The following ANGPTL1 variants were observed in gnomAD, a reference collection of about 807,000 sequenced individuals.
ANGPTL1 encodes angiopoietin like 1.
Under a neutral mutation model 46.7 loss-of-function variants are expected in ANGPTL1, and 36 were observed. That is an observed-to-expected ratio of 0.77 (90% CI 0.59 to 1.02). The LOEUF is 1.02. ANGPTL1 is among the 50% of genes least tolerant of loss of function. ANGPTL1 has a pLI of 0.00. For synonymous variants in ANGPTL1, 221 were observed against 204.3 expected (o/e 1.08, Z -0.69); for missense variants, 571 against 594.7 (o/e 0.96, Z 0.41).
chr1:178,856,370 GGCAAGT>G (rs1037506140), intron 3 of ANGPTL1, among the ~76,000 whole-genome samples: 3 of 137,902 alleles, frequency 2.2e-5, no homozygotes, highest in Non-Finnish European at 4.6e-5. Context: ...TAGGACTACA[GGCAAGT>G]GCCACCCTGC....
In ANGPTL1 at chr1:178,850,452, A is replaced by G. The variant is rs899582022; in HGVS notation, c.*677T>C. 1.3e-5 allele frequency: 2 copies of G among 152,210 alleles called. No homozygotes were observed. Among genetic ancestry groups the G allele is most frequent in the Admixed American group, 6.5e-5 (1 of 15,282 alleles). The allele number at this position is 152,210 out of a possible 1,614,324, so 9.4% of individuals were successfully genotyped here. ...GAAGATAACACTGAAAAATTCATTC[A>G]TAGATTTGTCTTTATAAATTGACCA... On this transcript the variant is annotated 3_prime_UTR_variant, in exon 6 of 6. Coordinates refer to ENST00000234816, the MANE Select transcript of ANGPTL1 (RefSeq NM_004673.4).
rs1211150811 is a variant in ANGPTL1 at position 178,850,540 on chromosome 1, T to C, written c.*589A>G. 6.6e-6 allele frequency: 1 copy of C among 152,080 alleles called. No homozygotes were observed. Among genetic ancestry groups the C allele is most frequent in the Non-Finnish European group, 1.5e-5 (1 of 67,994 alleles). The allele number at this position is 152,080 out of a possible 1,614,324, so 9.4% of individuals were successfully genotyped here. ...ATTTTTAAAAATGATATGTATTTAATACTATGGGTCATGTTTTGGGAAAAT... is the reference window on the plus strand; with the variant it reads ...ATTTTTAAAAATGATATGTATTTAACACTATGGGTCATGTTTTGGGAAAAT... On this transcript the variant is annotated 3_prime_UTR_variant, in exon 6 of 6. Coordinates refer to ENST00000234816, the MANE Select transcript of ANGPTL1 (RefSeq NM_004673.4).
intron 3 of ANGPTL1, among the ~76,000 whole-genome samples, chr1:178,859,401 CTT>C (rs543947031): frequency 0.051 from 6,299 of 122,318 alleles, 174 homozygotes; most frequent in African/African-American, 0.18. Context: ...CCAAGTTTAA[CTT>C]TTTTTTTTTT....
chr1:178,856,234 T>C (rs563125318), intron 3 of ANGPTL1, among the ~76,000 whole-genome samples: 31 of 128,784 alleles, frequency 2.4e-4, no homozygotes, highest in African/African-American at 9.8e-4. Flanking sequence ...TATATATATA[T>C]GGTTTTGGGT....
Position 178,862,729 on chromosome 1 carries a change from G to A in ANGPTL1, c.823+2225C>T, listed in dbSNP as rs148581398. 1.4e-3 allele frequency among the ~76,000 whole-genome samples: 220 copies of A among 152,066 alleles called. 2 individuals carry two copies. The East Asian group carries it at 0.027, about 19-fold the overall frequency. On this transcript the variant is annotated intron_variant, in intron 3 of 5. Coordinates refer to ENST00000234816, the MANE Select transcript of ANGPTL1 (RefSeq NM_004673.4). Reference sequence around the variant, plus strand: ...GAAAATGAGTGAATTTGTTTTATTGGAACAGATGGTTTTTGTGAAGGAAAC... The same window carrying A: ...GAAAATGAGTGAATTTGTTTTATTGAAACAGATGGTTTTTGTGAAGGAAAC...
chr1:178,859,829 C>CA (rs1236947933), intron 3 of ANGPTL1, among the ~76,000 whole-genome samples: 2 of 86,190 alleles, frequency 2.3e-5, no homozygotes, highest in African/African-American at 4.1e-5. Context: ...CGCCCCCCCC[C>CA]CCCCAACCGC....
chr1:178,852,655 A>C, intron 5 of ANGPTL1, 28 bp downstream of exon 5: 1 of 1,592,082 alleles, frequency 6.3e-7, no homozygotes, highest in Non-Finnish European at 8.6e-7. Context: ...TGATGATTCT[A>C]CAAAGAATGA....
intron 3 of ANGPTL1, among the ~76,000 whole-genome samples, chr1:178,860,221 C>T (rs1354635139): frequency 2.6e-5 from 4 of 152,022 alleles, no homozygotes; most frequent in African/African-American, 9.7e-5. Flanking sequence ...AATGCAGGCA[C>T]CAAATAACAT....
intron 4 of ANGPTL1, 93 bp from the exon 5 acceptor site, chr1:178,853,046 A>C: frequency 6.7e-7 from 1 of 1,485,014 alleles, no homozygotes; most frequent in South Asian, 1.5e-5. Context: ...TAGCATAAAG[A>C]TACTGGCCAT....
intron 3 of ANGPTL1, among the ~76,000 whole-genome samples, chr1:178,863,551 A>G (rs139941092): frequency 4.0e-4 from 61 of 152,364 alleles, no homozygotes; most frequent in African/African-American, 1.4e-3. Flanking sequence ...TTGACGACAG[A>G]TAAGCTGAAA....
Position 178,865,351 on chromosome 1 carries a change from G to C in ANGPTL1, c.426C>G (p.Ile142Met), listed in dbSNP as rs1460037819. 1 of 1,614,082 alleles carries C rather than the reference G, an allele frequency of 6.2e-7. No homozygotes were observed. Among genetic ancestry groups the C allele is most frequent in the South Asian group, 1.1e-5 (1 of 91,078 alleles). ...QLYMQLLHEIIRKRDNSLELS... is the reference protein window; with the variant it reads ...QLYMQLLHEIMRKRDNSLELS... Reference sequence around the variant, plus strand: ...GTTCAAGTGAATTATCCCTCTTACGGATAATCTCATGTAATAATTGCATAT... The same window carrying C: ...GTTCAAGTGAATTATCCCTCTTACGCATAATCTCATGTAATAATTGCATAT... The change falls in exon 3 of 6, where the codon ATC becomes ATG. Residue 142 changes from isoleucine (I) to methionine (M), a missense_variant. Coordinates refer to ENST00000234816, the MANE Select transcript of ANGPTL1 (RefSeq NM_004673.4).
At chr1:178,868,209 G>A (rs4652329) in intron 2 of ANGPTL1, among the ~76,000 whole-genome samples, 70,795 of 151,622 alleles carry the variant, frequency 0.47, 17,932 homozygotes, top group African/African-American at 0.66. Flanking sequence ...CTTTTACTAT[G>A]TAGGAGTTAC....
At chr1:178,866,670 C>A (rs922253538) in intron 2 of ANGPTL1, among the ~76,000 whole-genome samples, 5 of 151,914 alleles carry the variant, frequency 3.3e-5, no homozygotes, top group Non-Finnish European at 5.9e-5. Flanking sequence ...CCTTAGAGAC[C>A]CTGTCATTCA....
intron 3 of ANGPTL1, 140 bp downstream of exon 3, chr1:178,864,814 A>C (rs992958240): frequency 7.0e-5 from 35 of 497,666 alleles, no homozygotes; most frequent in Non-Finnish European, 4.7e-5. Flanking sequence ...TCAATTCTTG[A>C]TATTAATAAA....
At chr1:178,862,789 C>A (rs947737756) in intron 3 of ANGPTL1, among the ~76,000 whole-genome samples, 1 of 152,044 alleles carries the variant, frequency 6.6e-6, no homozygotes, top group African/African-American at 2.4e-5. Context: ...AGGCTTCATT[C>A]TTTAGGAGGA....
In ANGPTL1 at chr1:178,865,784, T is replaced by A. The variant is rs970510326; in HGVS notation, c.-8A>T. Reference sequence around the variant, plus strand: ...CCAGGTAAAAGTCTTCATTTTGAAATGAGGTTGTAAAATGATGTCTTTTGA... The same window carrying A: ...CCAGGTAAAAGTCTTCATTTTGAAAAGAGGTTGTAAAATGATGTCTTTTGA... On this transcript the variant is annotated 5_prime_UTR_variant, in exon 3 of 6. Coordinates refer to ENST00000234816, the MANE Select transcript of ANGPTL1 (RefSeq NM_004673.4). 1 of 1,559,848 alleles carries A rather than the reference T, an allele frequency of 6.4e-7. No individual in the cohort carries two copies. Among genetic ancestry groups the A allele is most frequent in the Non-Finnish European group, 8.6e-7 (1 of 1,157,974 alleles).
At chr1:178,869,588 A>T (rs560225322) in intron 1 of ANGPTL1, among the ~76,000 whole-genome samples, 2 of 152,256 alleles carry the variant, frequency 1.3e-5, no homozygotes, top group South Asian at 2.1e-4. Context: ...TTTCAGATCC[A>T]CTGTTGCTTG....
chr1:178,867,221 T>C (rs1658472327), intron 2 of ANGPTL1, among the ~76,000 whole-genome samples: 1 of 152,166 alleles, frequency 6.6e-6, no homozygotes, highest in African/African-American at 2.4e-5. Context: ...TTTTAAGCCA[T>C]TTTCATGTTT....
At chr1:178,866,096 A>G (rs988606691) in intron 2 of ANGPTL1, among the ~76,000 whole-genome samples, 5 of 152,162 alleles carry the variant, frequency 3.3e-5, no homozygotes, top group African/African-American at 9.7e-5. Flanking sequence ...ACTCTGTGCA[A>G]AGATACGCTG....
Sources: gnomAD v4.1 joint callset for allele counts (sites outside exome capture counted in the v4.1 genomes callset) on GRCh38, gnomAD v4.1.1 for gene constraint, MANE v1.5 for transcripts, NCBI Gene and HGNC (gene_info 2026-07-23, HGNC 2026-07-21) for gene names.